Variants in AKAP7 observed in about 807,000 individuals in gnomAD.
AKAP7 encodes A kinase (PRKA) anchor protein 7.
A neutral mutation model predicts 39.5 loss-of-function variants in AKAP7; 39 were observed. That is an observed-to-expected ratio of 0.99 (90% confidence interval 0.76 to 1.29). AKAP7 has a LOEUF of 1.29. AKAP7 is among the 50% of genes most tolerant of loss of function. The pLI, the probability that AKAP7 is intolerant of heterozygous loss-of-function variation, is 0.00. For synonymous variants in AKAP7, 140 were observed against 139.1 expected (o/e 1.01, Z -0.05); for missense variants, 414 against 407.7 (o/e 1.02, Z -0.13).
At chr6:131,139,279 T>G (rs1800828255) in intron 1 of AKAP7, among the ~76,000 whole-genome samples, 1 of 152,230 alleles carries the variant, frequency 6.6e-6, no homozygotes, top group Non-Finnish European at 1.5e-5. Flanking sequence ...TTTTTTGAGT[T>G]AATAATTCCT....
chr6:131,277,306 A>G (rs1193166374), intron 7 of AKAP7, among the ~76,000 whole-genome samples: 1 of 152,244 alleles, frequency 6.6e-6, no homozygotes, highest in Non-Finnish European at 1.5e-5. Flanking sequence ...GGGGATTTCT[A>G]AAATAACAAT....
In AKAP7 at chr6:131,189,397, T is replaced by C. The variant is rs184689713; in HGVS notation, c.590-10064T>C. ...AACCTCTTTTTGATTATTCTCAAAT[T>C]GGAGATCATGTGATCGTATAAACAT... On this transcript the variant is annotated intron_variant, in intron 5 of 7. Coordinates refer to ENST00000431975, the MANE Select transcript of AKAP7 (RefSeq NM_016377.4). Among the ~76,000 whole-genome samples the C allele has an allele frequency of 1.8e-4, 28 of 152,348 alleles. No individual in the cohort carries two copies. The East Asian group carries it at 5.4e-3, about 29-fold the overall frequency.
chr6:131,263,740 T>C (rs1813552659), intron 7 of AKAP7, among the ~76,000 whole-genome samples: 1 of 152,124 alleles, frequency 6.6e-6, no homozygotes, highest in Admixed American at 6.5e-5. Context: ...GTGCAGTGGA[T>C]ACTTTTATAA....
intron 7 of AKAP7, among the ~76,000 whole-genome samples, chr6:131,221,098 A>C (rs9492868): frequency 0.28 from 43,274 of 152,180 alleles, 6,676 homozygotes; most frequent in Middle Eastern, 0.39. Context: ...CCAGTTAGCC[A>C]AGTTGTGAAT....
chr6:131,253,131 C>T (rs1286704525), intron 7 of AKAP7: 1 of 1,596,828 alleles, frequency 6.3e-7, no homozygotes, highest in Admixed American at 1.7e-5. Flanking sequence ...CCCCTCCCCT[C>T]TCCTGCTGCT....
chr6:131,249,130 A>G lies in AKAP7; in HGVS notation c.850+29322A>G, dbSNP rs138015518. 3.2e-3 allele frequency among the ~76,000 whole-genome samples: 491 copies of G among 152,334 alleles called. 4 individuals are homozygous for G. Among genetic ancestry groups the G allele is most frequent in the African/African-American group, 0.011 (463 of 41,570 alleles). The stretch of plus-strand genomic sequence containing the variant: ...TTATGTGGATAGACCTGCCAGTTTA[A>G]TCAGTCAGATCTTTGCTTTTTATTC... On this transcript the variant is annotated intron_variant, in intron 7 of 7. Transcript: ENST00000431975.
At chr6:131,258,047 G>T (rs567594903) in intron 7 of AKAP7, among the ~76,000 whole-genome samples, 1 of 152,068 alleles carries the variant, frequency 6.6e-6, no homozygotes. Context: ...TGTGTATTCC[G>T]AAACAAATAT....
intron 4 of AKAP7, among the ~76,000 whole-genome samples, chr6:131,165,647 T>G (rs1803409145): frequency 6.6e-6 from 1 of 152,186 alleles, no homozygotes; most frequent in African/African-American, 2.4e-5. Flanking sequence ...TAGTAGGCAC[T>G]CTATTATTAG....
intron 5 of AKAP7, among the ~76,000 whole-genome samples, chr6:131,179,132 C>T (rs1379716874): frequency 6.6e-6 from 1 of 151,984 alleles, no homozygotes; most frequent in African/African-American, 2.4e-5. Context: ...CCTCATAGGT[C>T]TCATCACAGG....
chr6:131,149,082 C>T (rs1433247079), intron 2 of AKAP7, among the ~76,000 whole-genome samples: 2 of 152,180 alleles, frequency 1.3e-5, no homozygotes, highest in Admixed American at 6.5e-5. Flanking sequence ...CCCCTTGAAA[C>T]GGTTAGTGTC....
chr6:131,281,979 G>A lies in AKAP7; in HGVS notation c.*253G>A, dbSNP rs1008854925. ...CCAAGTTTCATTCGCCCTCAGCCAC[G>A]CACAAGGGAAAGGGAACTTTGGGTT... On this transcript the variant is annotated 3_prime_UTR_variant, in exon 8 of 8. Coordinates refer to ENST00000431975, the MANE Select transcript of AKAP7 (RefSeq NM_016377.4). This position sits in a 1 kb window ranked among gnomAD's most constrained non-coding sequence, Gnocchi z 4.0. 8.4e-6 allele frequency: 10 copies of A among 1,190,402 alleles called. No individual in the cohort carries two copies. The highest frequency in any genetic ancestry group is 6.3e-5 in the African/African-American group (4 of 63,440). 73.7% of individuals were successfully genotyped at this position (1,190,402 alleles called of 1,614,324 possible). A position where few individuals can be genotyped will look rare whatever the true frequency, so the allele number is the denominator to read the frequency against.
intron 5 of AKAP7, chr6:131,184,322 A>G: frequency 3.2e-6 from 2 of 624,330 alleles, no homozygotes; most frequent in Middle Eastern, 4.9e-4. Context: ...GGGGGTGGCT[A>G]TATCAAGAGG....
At chr6:131,213,971 A>G (rs970807678) in intron 6 of AKAP7, among the ~76,000 whole-genome samples, 2 of 152,144 alleles carry the variant, frequency 1.3e-5, no homozygotes, top group Non-Finnish European at 2.9e-5. Flanking sequence ...GTCAGTATAA[A>G]TGAACCAAAT....
chr6:131,177,768 C>T (rs937196151), intron 5 of AKAP7, among the ~76,000 whole-genome samples: 2 of 152,160 alleles, frequency 1.3e-5, no homozygotes, highest in Non-Finnish European at 2.9e-5. Context: ...CAGTCTGATT[C>T]CAAATTCTGT....
chr6:131,156,296 G>A (rs565612075), intron 2 of AKAP7, among the ~76,000 whole-genome samples: 12 of 152,206 alleles, frequency 7.9e-5, no homozygotes, highest in African/African-American at 2.9e-4. Flanking sequence ...CTTAAAAAAA[G>A]GGGGTCTTGC....
chr6:131,211,992 G>A (rs1202443500), intron 6 of AKAP7, among the ~76,000 whole-genome samples: 1 of 152,102 alleles, frequency 6.6e-6, no homozygotes, highest in Non-Finnish European at 1.5e-5. Flanking sequence ...CTACAGTTGG[G>A]CAAAATCATC....
intron 5 of AKAP7, among the ~76,000 whole-genome samples, chr6:131,175,051 T>C (rs1317563244): frequency 6.6e-6 from 1 of 152,240 alleles, no homozygotes. Context: ...GTATTATTAA[T>C]ATATACTATA....
At chr6:131,149,392 C>T (rs572073276) in intron 2 of AKAP7, among the ~76,000 whole-genome samples, 13 of 152,252 alleles carry the variant, frequency 8.5e-5, no homozygotes, top group African/African-American at 2.6e-4. Context: ...CCCAGCACTT[C>T]GGGAGGCCGA....
intron 7 of AKAP7, among the ~76,000 whole-genome samples, chr6:131,255,191 C>T (rs908488197): frequency 6.6e-6 from 1 of 152,138 alleles, no homozygotes; most frequent in African/African-American, 2.4e-5. Flanking sequence ...TCAAACACCT[C>T]GTATTCAGGG....
Sources: allele counts gnomAD v4.1 joint callset (sites outside exome capture counted in the v4.1 genomes callset), GRCh38; gene constraint gnomAD v4.1.1; non-coding constraint Gnocchi (gnomAD v3.1); transcripts MANE v1.5; gene names NCBI Gene and HGNC (gene_info 2026-07-23, HGNC 2026-07-21).